Variants in ARB2A observed in about 807,000 individuals in gnomAD.
ARB2A encodes the protein ARB2 cotranscriptional regulator A.
At chr5:93,999,061 T>TA in the ARB2A span, among the ~76,000 whole-genome samples, 1 of 152,088 alleles carries the variant, frequency 6.6e-6, no homozygotes, top group Non-Finnish European at 1.5e-5. Flanking sequence ...TTTAATGCCA[T>TA]ATGGGCACAA....
chr5:93,868,072 C>T, the ARB2A span, among the ~76,000 whole-genome samples: 1 of 152,164 alleles, frequency 6.6e-6, no homozygotes, highest in African/African-American at 2.4e-5. Flanking sequence ...GTAATCTCAG[C>T]CCTTTGGGAT....
At chr5:93,927,281 C>A in the ARB2A span, among the ~76,000 whole-genome samples, 2 of 152,138 alleles carry the variant, frequency 1.3e-5, no homozygotes, top group Admixed American at 6.5e-5. Context: ...GGAGTGAGAT[C>A]TGGATTATAG....
chr5:93,707,498 A>C, the ARB2A span, among the ~76,000 whole-genome samples: 6 of 151,984 alleles, frequency 3.9e-5, no homozygotes, highest in Non-Finnish European at 7.4e-5. Context: ...TTTTAAAATA[A>C]GTATACAAGG....
At chr5:93,669,619 C>CATGTTGG in the ARB2A span, among the ~76,000 whole-genome samples, 1 of 152,120 alleles carries the variant, frequency 6.6e-6, no homozygotes, top group Non-Finnish European at 1.5e-5. Context: ...GTGTTGTTGT[C>CATGTTGG]ATGTTGGGGC....
At chr5:93,831,572 T>C in the ARB2A span, among the ~76,000 whole-genome samples, 1 of 152,192 alleles carries the variant, frequency 6.6e-6, no homozygotes, top group South Asian at 2.1e-4. Context: ...GTAATCCACA[T>C]ATGTGAGATG....
chr5:93,989,416 A>G, the ARB2A span, among the ~76,000 whole-genome samples: 21 of 152,174 alleles, frequency 1.4e-4, no homozygotes, highest in Admixed American at 1.4e-3. Flanking sequence ...TAATTAAAAG[A>G]AATTTAGGTT....
chr5:94,038,781 C>T, the ARB2A span, among the ~76,000 whole-genome samples: 1 of 146,732 alleles, frequency 6.8e-6, no homozygotes, highest in Non-Finnish European at 1.5e-5. Context: ...CAGCTAAAGA[C>T]AAAACTCGAT....
At chr5:93,927,127 T>C in the ARB2A span, among the ~76,000 whole-genome samples, 27 of 151,106 alleles carry the variant, frequency 1.8e-4, no homozygotes, top group Middle Eastern at 3.4e-3. Context: ...AGTAGAAATA[T>C]GAGGCAAAAA....
At chr5:93,641,225 A>T in the ARB2A span, among the ~76,000 whole-genome samples, 1 of 151,916 alleles carries the variant, frequency 6.6e-6, no homozygotes, top group Non-Finnish European at 1.5e-5. Flanking sequence ...TTATGAGGCC[A>T]TGAAAGTTCT....
At chr5:94,005,089 G>C in the ARB2A span, among the ~76,000 whole-genome samples, 1 of 131,912 alleles carries the variant, frequency 7.6e-6, no homozygotes, top group Non-Finnish European at 1.6e-5. Flanking sequence ...CTGCAAAAGA[G>C]ACATGTTCAC....
At chr5:94,064,015 T>C in the ARB2A span, among the ~76,000 whole-genome samples, 4 of 152,014 alleles carry the variant, frequency 2.6e-5, no homozygotes, top group South Asian at 2.1e-4. Flanking sequence ...GAGAAATTTA[T>C]GAAATCCCAG....
the ARB2A span, among the ~76,000 whole-genome samples, chr5:93,767,759 C>A: frequency 6.6e-6 from 1 of 151,726 alleles, no homozygotes; most frequent in Non-Finnish European, 1.5e-5. Flanking sequence ...CTTTGGGAGG[C>A]CGAGATGGGT....
At chr5:93,783,804 GT>G in the ARB2A span, among the ~76,000 whole-genome samples, 1 of 152,076 alleles carries the variant, frequency 6.6e-6, no homozygotes, top group Non-Finnish European at 1.5e-5. Flanking sequence ...TAGTTTTCAG[GT>G]TCACCAGCCC....
At chr5:94,065,266 C>T in the ARB2A span, among the ~76,000 whole-genome samples, 2 of 152,184 alleles carry the variant, frequency 1.3e-5, no homozygotes, top group African/African-American at 4.8e-5. Context: ...GTAATCTCAG[C>T]ACTTTGGGGG....
At chr5:94,064,563 CAAAG>C in the ARB2A span, among the ~76,000 whole-genome samples, 1 of 152,050 alleles carries the variant, frequency 6.6e-6, no homozygotes, top group African/African-American at 2.4e-5. Flanking sequence ...TGTCAGAAGT[CAAAG>C]AAAGAATTCT....
the ARB2A span, among the ~76,000 whole-genome samples, chr5:93,748,476 A>G: frequency 6.6e-6 from 1 of 152,128 alleles, no homozygotes; most frequent in African/African-American, 2.4e-5. Context: ...AAATAAAAAG[A>G]CAGAGGCAGG....
chr5:94,037,507 ATCC>A, the ARB2A span, among the ~76,000 whole-genome samples: 1 of 152,108 alleles, frequency 6.6e-6, no homozygotes, highest in Admixed American at 6.5e-5. Context: ...TTTTCTTTCA[ATCC>A]TCCTAACATT....
At chr5:93,624,766 C>A in the ARB2A span, among the ~76,000 whole-genome samples, 2 of 152,052 alleles carry the variant, frequency 1.3e-5, no homozygotes, top group African/African-American at 4.8e-5. Context: ...CTGTAATTTG[C>A]AAGGCAGTAC....
At chr5:93,629,400 A>AT in the ARB2A span, among the ~76,000 whole-genome samples, 46 of 150,568 alleles carry the variant, frequency 3.1e-4, no homozygotes, top group East Asian at 2.1e-3. Flanking sequence ...GCACATGCTG[A>AT]TTTTTTTTTT....
Sources: gnomAD v4.1 joint callset for allele counts (sites outside exome capture counted in the v4.1 genomes callset) on GRCh38, gnomAD v4.1.1 for gene constraint, MANE v1.5 for transcripts, NCBI Gene and HGNC (gene_info 2026-07-23, HGNC 2026-07-21) for gene names.